Variants in FBXW7 observed in about 807,000 individuals in gnomAD.
The protein encoded by FBXW7 is F-box and WD repeat domain containing 7.
Under a neutral mutation model 86.3 loss-of-function variants are expected in FBXW7, and 11 were observed. The ratio of observed to expected loss-of-function variants is 0.13; its 90% CI spans 0.08 to 0.21. FBXW7 has a LOEUF of 0.21. FBXW7 is among the 10% of genes least tolerant of loss of function. The pLI is 1.00. For missense variants in FBXW7, 488 were observed against 847.4 expected, an observed-to-expected ratio of 0.58 and a Z score of 5.27; for synonymous variants, 313 against 297.9, an observed-to-expected ratio of 1.05 and a Z score of -0.52.
chr4:152,417,082 T>C (rs1171929067), intron 2 of FBXW7, among the ~76,000 whole-genome samples: 1 of 152,116 alleles, frequency 6.6e-6, no homozygotes, highest in Admixed American at 6.6e-5. Context: ...CGCTAGCTCC[T>C]CCCTCCTTTG....
intron 2 of FBXW7, among the ~76,000 whole-genome samples, chr4:152,414,777 T>A (rs1560868551): frequency 6.6e-6 from 1 of 152,110 alleles, no homozygotes; most frequent in Non-Finnish European, 1.5e-5. Flanking sequence ...GACCTATGGG[T>A]ACTTTAAAAA....
At chr4:152,335,932 G>A (rs1442728377) in intron 7 of FBXW7, among the ~76,000 whole-genome samples, 1 of 152,098 alleles carries the variant, frequency 6.6e-6, no homozygotes, top group African/African-American at 2.4e-5. Context: ...TGAGACTTCT[G>A]TCAAGCTTTT....
At chr4:152,489,736 C>A (rs1317386994) in intron 2 of FBXW7, among the ~76,000 whole-genome samples, 2 of 151,952 alleles carry the variant, frequency 1.3e-5, no homozygotes, top group African/African-American at 4.8e-5. Context: ...TTACTGTGAA[C>A]ATCCCTGGAA....
rs1346999667 is a variant in FBXW7, at chr4:152,473,187, T to G, written c.-119-60658A>C. Among the ~76,000 whole-genome samples the G allele has an allele frequency of 1.3e-5, 2 of 152,172 alleles. 1 individual carries two copies. The highest frequency in any genetic ancestry group is 2.9e-5 in the Non-Finnish European group (2 of 68,024). The stretch of plus-strand genomic sequence containing the variant: ...TGAGCCCAGGAGGTGAAGGCTACAG[T>G]GAGCAGTGACCTGCACTGCACTCCA... On this transcript the variant is annotated intron_variant, in intron 2 of 13. Transcript: ENST00000281708.
intron 2 of FBXW7, among the ~76,000 whole-genome samples, chr4:152,508,146 G>T (rs1747603168): frequency 6.6e-6 from 1 of 151,966 alleles, no homozygotes; most frequent in Non-Finnish European, 1.5e-5. Flanking sequence ...CCTTGAAGAG[G>T]CTTCATGGGG....
rs574974143 is a variant in FBXW7, at chr4:152,513,451, G to C, written c.-120+21490C>G. Among the ~76,000 whole-genome samples, 30 of 152,276 alleles carry C rather than the reference G, an allele frequency of 2.0e-4. No homozygotes were observed. The South Asian group carries it at 6.0e-3, about 31-fold the overall frequency. ...CACAGAGACCCTATTGGAGGATACAGCCCGAGAAAAAGAATACATAAATTT... is the reference window on the plus strand; with the variant it reads ...CACAGAGACCCTATTGGAGGATACACCCCGAGAAAAAGAATACATAAATTT... On this transcript the variant is annotated intron_variant, in intron 2 of 13. Coordinates refer to ENST00000281708, the MANE Select transcript of FBXW7 (RefSeq NM_001349798.2).
chr4:152,492,505 G>A (rs1412331695), intron 2 of FBXW7, among the ~76,000 whole-genome samples: 3 of 152,156 alleles, frequency 2.0e-5, no homozygotes, highest in East Asian at 1.9e-4. Flanking sequence ...AGCAATTTAC[G>A]AGTGTTCTGG....
At chr4:152,393,459 AAATGAT>A (rs764827759) in intron 4 of FBXW7, among the ~76,000 whole-genome samples, 35 of 152,138 alleles carry the variant, frequency 2.3e-4, no homozygotes, top group Admixed American at 8.5e-4. Flanking sequence ...TAACAGAGTA[AAATGAT>A]AATGATGAAT....
chr4:152,423,237 T>C (rs1331976487), intron 2 of FBXW7, among the ~76,000 whole-genome samples: 3 of 152,202 alleles, frequency 2.0e-5, no homozygotes, highest in African/African-American at 7.2e-5. Context: ...TCATTTCTTT[T>C]TAATTTATTA....
chr4:152,408,361 A>G (rs998540219), intron 4 of FBXW7, among the ~76,000 whole-genome samples: 3 of 152,224 alleles, frequency 2.0e-5, no homozygotes, highest in Non-Finnish European at 4.4e-5. Flanking sequence ...AAAAAATATG[A>G]TAAGGATGTT....
At chr4:152,452,908 C>A (rs534653064) in intron 2 of FBXW7, among the ~76,000 whole-genome samples, 7 of 152,292 alleles carry the variant, frequency 4.6e-5, no homozygotes, top group African/African-American at 1.7e-4. Context: ...ACTGGCCAGG[C>A]GCAGTGGCTC....
intron 2 of FBXW7, among the ~76,000 whole-genome samples, chr4:152,478,749 C>T (rs915992191): frequency 6.6e-6 from 1 of 151,994 alleles, no homozygotes; most frequent in Admixed American, 6.6e-5. Flanking sequence ...TGTGTCTTTG[C>T]TAATAGCCAA....
intron 2 of FBXW7, among the ~76,000 whole-genome samples, chr4:152,429,007 T>G (rs1278251877): frequency 6.6e-6 from 1 of 152,062 alleles, no homozygotes; most frequent in Non-Finnish European, 1.5e-5. Context: ...CTAACCAACA[T>G]GGAGAAACTC....
At position 152,454,093 on chromosome 4, in the gene FBXW7, C is replaced by T. The variant is rs577551792; in HGVS notation, c.-119-41564G>A. ...CACATTCAAAATAAGTATATTTCCA[C>T]GATATTAAGTAATACCAGTCAATAT... On this transcript the variant is annotated intron_variant, in intron 2 of 13. Transcript: ENST00000281708. Among the ~76,000 whole-genome samples the T allele has an allele frequency of 1.6e-4, 24 of 152,110 alleles. 1 individual carries two copies. The South Asian group carries it at 2.7e-3, about 17-fold the overall frequency.
intron 4 of FBXW7, among the ~76,000 whole-genome samples, chr4:152,357,071 C>A (rs1285245757): frequency 6.6e-6 from 1 of 151,722 alleles, no homozygotes; most frequent in Non-Finnish European, 1.5e-5. Flanking sequence ...TAAAATAAAA[C>A]AAGATGAGCC....
At chr4:152,343,986 C>T (rs1451906435) in intron 6 of FBXW7, among the ~76,000 whole-genome samples, 3 of 152,128 alleles carry the variant, frequency 2.0e-5, no homozygotes, top group African/African-American at 4.8e-5. Context: ...CAAAGCAATG[C>T]TGTATCACTG....
intron 2 of FBXW7, among the ~76,000 whole-genome samples, chr4:152,478,687 T>G (rs1001358439): frequency 6.6e-6 from 1 of 152,100 alleles, no homozygotes; most frequent in African/African-American, 2.4e-5. Context: ...CCACCAGTAG[T>G]GCAGGCATGG....
chr4:152,326,896 T>A (rs1355473399), intron 11 of FBXW7, among the ~76,000 whole-genome samples: 1 of 152,112 alleles, frequency 6.6e-6, no homozygotes, highest in Admixed American at 6.6e-5. Context: ...TTTATAAATA[T>A]GCAATAGGCT....
chr4:152,367,130 G>A (rs576708501), intron 4 of FBXW7, among the ~76,000 whole-genome samples: 1 of 152,090 alleles, frequency 6.6e-6, no homozygotes, highest in Non-Finnish European at 1.5e-5. Flanking sequence ...CTGTCGTGGG[G>A]TTGAGGGATG....
Sources: gnomAD v4.1 joint callset for allele counts (sites outside exome capture counted in the v4.1 genomes callset) on GRCh38, gnomAD v4.1.1 for gene constraint, MANE v1.5 for transcripts, NCBI Gene and HGNC (gene_info 2026-07-23, HGNC 2026-07-21) for gene names.